Variants in HTR1F observed in about 807,000 individuals in gnomAD.
The protein encoded by HTR1F is 5-hydroxytryptamine receptor 1F.
In HTR1F, 17 loss-of-function variants were observed where a neutral mutation model predicts 24.0. The ratio of observed to expected loss-of-function variants is 0.71; its 90% confidence interval spans 0.48 to 1.06. The LOEUF (loss-of-function observed/expected upper bound fraction) is 1.06, where lower values mean the gene tolerates loss of function less well. HTR1F is among the 50% of genes least tolerant of loss of function. HTR1F has a pLI of 0.00. For missense variants in HTR1F, 391 were observed against 427.8 expected, an observed-to-expected ratio of 0.91 and a Z score of 0.76; for synonymous variants, 186 against 156.8, an observed-to-expected ratio of 1.19 and a Z score of -1.39.
intron 2 of HTR1F, among the ~76,000 whole-genome samples, chr3:87,855,358 CA>C (rs1559607168): frequency 6.6e-6 from 1 of 152,044 alleles, no homozygotes; most frequent in East Asian, 1.9e-4. Flanking sequence ...CAGGGATCCT[CA>C]TGGATCAAGC....
At chr3:87,970,343 T>C (rs12629984) in intron 2 of HTR1F, among the ~76,000 whole-genome samples, 18,589 of 152,214 alleles carry the variant, frequency 0.12, 1,466 homozygotes, top group East Asian at 0.25. Flanking sequence ...AAGTTTCTGA[T>C]TCAGTATCAA....
At chr3:87,936,118 G>C (rs1324249424) in intron 2 of HTR1F, among the ~76,000 whole-genome samples, 3 of 152,116 alleles carry the variant, frequency 2.0e-5, no homozygotes, top group Non-Finnish European at 4.4e-5. Flanking sequence ...CCAAAGTGCT[G>C]GGATTACAGG....
chr3:87,916,508 C>T (rs1242075562), intron 2 of HTR1F, among the ~76,000 whole-genome samples: 2 of 151,986 alleles, frequency 1.3e-5, no homozygotes, highest in African/African-American at 4.8e-5. Flanking sequence ...TAAAGACTCA[C>T]ATAATCTTAA....
intron 2 of HTR1F, among the ~76,000 whole-genome samples, chr3:87,829,323 A>G (rs1255719492): frequency 6.6e-6 from 1 of 152,186 alleles, no homozygotes; most frequent in Non-Finnish European, 1.5e-5. Flanking sequence ...TTTAAATATA[A>G]GTAATATTGT....
intron 2 of HTR1F, among the ~76,000 whole-genome samples, chr3:87,923,709 GAT>G (rs1204570244): frequency 1.3e-5 from 2 of 151,868 alleles, no homozygotes; most frequent in African/African-American, 2.4e-5. Context: ...ATAATAAAAA[GAT>G]ATTAAATTTT....
At chr3:87,934,972 C>A (rs911724237) in intron 2 of HTR1F, among the ~76,000 whole-genome samples, 1 of 152,086 alleles carries the variant, frequency 6.6e-6, no homozygotes, top group Non-Finnish European at 1.5e-5. Context: ...CTCAAGTGAT[C>A]CTCCCACCCC....
chr3:87,977,874 C>T (rs1371632505), intron 2 of HTR1F, among the ~76,000 whole-genome samples: 3 of 152,100 alleles, frequency 2.0e-5, no homozygotes, highest in Non-Finnish European at 2.9e-5. Context: ...GCTAGTGGCA[C>T]CTTTGCCTTA....
At chr3:87,816,508 T>A (rs1398986855) in intron 1 of HTR1F, among the ~76,000 whole-genome samples, 1 of 152,064 alleles carries the variant, frequency 6.6e-6, no homozygotes, top group Non-Finnish European at 1.5e-5. Flanking sequence ...CAACTTTACC[T>A]CTAGACCAGA....
At chr3:87,950,524 G>A (rs2107460510) in intron 2 of HTR1F, among the ~76,000 whole-genome samples, 1 of 150,028 alleles carries the variant, frequency 6.7e-6, no homozygotes, top group Middle Eastern at 3.4e-3. Flanking sequence ...TTTTTTTACA[G>A]ATTTATCTTA....
intron 2 of HTR1F, among the ~76,000 whole-genome samples, chr3:87,880,252 G>A (rs1313323107): frequency 6.6e-6 from 1 of 152,032 alleles, no homozygotes; most frequent in African/African-American, 2.4e-5. Context: ...ATTGTGGTGT[G>A]GTTTTCAGTT....
chr3:87,874,932 A>G (rs1705636573), intron 2 of HTR1F, among the ~76,000 whole-genome samples: 1 of 152,182 alleles, frequency 6.6e-6, no homozygotes, highest in South Asian at 2.1e-4. Flanking sequence ...GAATATCCAC[A>G]TGAAAAGAAT....
At chr3:87,805,530 G>A (rs1456020876) in intron 1 of HTR1F, among the ~76,000 whole-genome samples, 1 of 151,506 alleles carries the variant, frequency 6.6e-6, no homozygotes, top group Non-Finnish European at 1.5e-5. Context: ...TACATATATA[G>A]AGAGTACATG....
At chr3:87,821,889 C>T (rs1032280408) in intron 1 of HTR1F, among the ~76,000 whole-genome samples, 119 bp from the exon 2 acceptor site, 1 of 151,884 alleles carries the variant, frequency 6.6e-6, no homozygotes, top group Non-Finnish European at 1.5e-5. Flanking sequence ...GGTTAGTGGT[C>T]AGAGAGGGGG....
At chr3:87,799,374 A>T (rs1313172993) in intron 1 of HTR1F, among the ~76,000 whole-genome samples, 1 of 152,218 alleles carries the variant, frequency 6.6e-6, no homozygotes, top group African/African-American at 2.4e-5. Context: ...TTTAAATTGA[A>T]TCATATTTTA....
intron 2 of HTR1F, among the ~76,000 whole-genome samples, chr3:87,880,646 T>TTGTGTGTG (rs10540515): frequency 4.5e-4 from 66 of 147,272 alleles, no homozygotes; most frequent in African/African-American, 1.5e-3. Context: ...GTGTGTTTGT[T>TTGTGTGTG]TGTGTGTGTG....
chr3:87,976,598 T>G (rs145887173), intron 2 of HTR1F, among the ~76,000 whole-genome samples: 1 of 152,208 alleles, frequency 6.6e-6, no homozygotes, highest in Non-Finnish European at 1.5e-5. Context: ...ACCCTAAGCA[T>G]GTTATATTTT....
At chr3:87,828,094 A>G (rs954582244) in intron 2 of HTR1F, among the ~76,000 whole-genome samples, 1 of 152,212 alleles carries the variant, frequency 6.6e-6, no homozygotes, top group African/African-American at 2.4e-5. Context: ...GTTCTCTCCC[A>G]TATCTGTGAT....
intron 2 of HTR1F, among the ~76,000 whole-genome samples, chr3:87,871,647 T>TATC (rs1190900445): frequency 1.3e-5 from 2 of 151,930 alleles, no homozygotes; most frequent in African/African-American, 4.8e-5. Flanking sequence ...AAAAAAAAAT[T>TATC]ATCTTGAAAG....
chr3:87,912,324 C>CT (rs1337889423), intron 2 of HTR1F, among the ~76,000 whole-genome samples: 1 of 151,686 alleles, frequency 6.6e-6, no homozygotes, highest in Non-Finnish European at 1.5e-5. Flanking sequence ...TTCACAATTG[C>CT]TAAAAAAAGG....
Sources: allele counts gnomAD v4.1 joint callset (sites outside exome capture counted in the v4.1 genomes callset), GRCh38; gene constraint gnomAD v4.1.1; transcripts MANE v1.5; gene names NCBI Gene and HGNC (gene_info 2026-07-23, HGNC 2026-07-21).